The following MRPL35 variants were observed in gnomAD, a reference collection of about 807,000 sequenced individuals.
The protein encoded by MRPL35 is mitochondrial ribosomal protein L35, also known as large ribosomal subunit protein bL35m.
Under a neutral mutation model 21.6 loss-of-function variants are expected in MRPL35, and 18 were observed. The ratio of observed to expected loss-of-function variants is 0.83; its 90% confidence interval spans 0.58 to 1.24. The LOEUF is 1.24. Ranked by LOEUF, MRPL35 falls within the 50% of genes most tolerant of loss-of-function variation. The pLI is 0.00. For synonymous variants in MRPL35, 87 were observed against 86.9 expected, an observed-to-expected ratio of 1.00 and a Z score of -0.01; for missense variants, 223 against 223.2, an observed-to-expected ratio of 1.00 and a Z score of 0.01.
Position 86,213,510 on chromosome 2 carries a change from A to G in MRPL35, c.*2842A>G. The G allele has an allele frequency of 7.2e-7, 1 of 1,385,058 alleles. No homozygotes were observed. The highest frequency in any genetic ancestry group is 2.7e-5 in the East Asian group (1 of 36,554). 85.8% of individuals were successfully genotyped at this position (1,385,058 alleles called of 1,614,324 possible). ...TTTAATTTTGATGTTTCAAATTTTG[A>G]GCTTCCAAGTCTTTGTGGCCACCCA... On this transcript the variant is annotated 3_prime_UTR_variant, in exon 4 of 4. Coordinates refer to ENST00000337109, the MANE Select transcript of MRPL35 (RefSeq NM_016622.4).
intron 3 of MRPL35, among the ~76,000 whole-genome samples, chr2:86,208,713 C>T (rs1278581526): frequency 6.6e-6 from 1 of 152,046 alleles, no homozygotes; most frequent in Non-Finnish European, 1.5e-5. Flanking sequence ...TCTTACTGGG[C>T]TCTGGGGCCC....
chr2:86,210,359 A>T, intron 3 of MRPL35, 121 bp from the exon 4 acceptor site: 2 of 522,630 alleles, frequency 3.8e-6, no homozygotes, highest in Non-Finnish European at 5.8e-6. Context: ...TCCAAGAAAT[A>T]GTCCAGCCCC....
Position 86,210,728 on chromosome 2 carries a change from C to T in MRPL35, c.*60C>T. ...ATGTATCTTTGTGTACATATCTTTG[C>T]AAAAATGGATAAGTACAAAACTTGA... On this transcript the variant is annotated 3_prime_UTR_variant, in exon 4 of 4. Transcript: ENST00000337109. 10 of 1,497,498 alleles carry T rather than the reference C, an allele frequency of 6.7e-6. No individual in the cohort carries two copies. Among genetic ancestry groups the T allele is most frequent in the Non-Finnish European group, 8.0e-6 (9 of 1,119,250 alleles). 92.8% of individuals were successfully genotyped at this position (1,497,498 alleles called of 1,614,324 possible). A position where few individuals can be genotyped will look rare whatever the true frequency, so the allele number is the denominator to read the frequency against.
chr2:86,211,762 G>A lies in MRPL35; in HGVS notation c.*1094G>A. Reference sequence around the variant, plus strand: ...AGCTCATTGAAGCCTCGCACTCCTGGGCTCAAGTGGTCCTCCTGCCTCAGC... The same window carrying A: ...AGCTCATTGAAGCCTCGCACTCCTGAGCTCAAGTGGTCCTCCTGCCTCAGC... On this transcript the variant is annotated 3_prime_UTR_variant, in exon 4 of 4. Transcript: ENST00000337109. 1 of 983,718 alleles carries A rather than the reference G, an allele frequency of 1.0e-6. No homozygotes were observed. The allele number at this position is 983,718 out of a possible 1,614,324, so 60.9% of individuals were successfully genotyped here.
rs10901 is a variant in MRPL35, at chr2:86,206,117, C to T, written c.55C>T (p.Pro19Ser). Reference protein sequence around the residue: ...AVRAASGILRPLNILASSTYR... With the variant: ...AVRAASGILRSLNILASSTYR... Reference sequence around the variant, plus strand: ...TCCTATCTTTACAGGAATCCTACGGCCCCTGAATATTTTGGCATCTTCAAC... The same window carrying T: ...TCCTATCTTTACAGGAATCCTACGGTCCCTGAATATTTTGGCATCTTCAAC... Residue 19 changes from proline (P) to serine (S), a missense_variant, in exon 2 of 4, where the codon CCC becomes TCC. Pro to Ser is a moderately conservative substitution (Grantham distance 74, BLOSUM62 -1). Transcript: ENST00000337109. 731,621 of 1,606,222 alleles carry T rather than the reference C, an allele frequency of 0.46. 177,333 individuals are homozygous for T. The highest frequency in any genetic ancestry group is 0.5 in the Non-Finnish European group (590,181 of 1,173,242).
chr2:86,201,605 G>A (rs1673685997), intron 1 of MRPL35, among the ~76,000 whole-genome samples: 1 of 152,098 alleles, frequency 6.6e-6, no homozygotes, highest in Non-Finnish European at 1.5e-5. Context: ...AGATTCTACT[G>A]AAAACAATTT....
rs1474527035 is a variant in MRPL35, at chr2:86,206,151, A to C, written c.89A>C (p.Asn30Thr). Residue 30 changes from asparagine (N) to threonine (T), a missense_variant, in exon 2 of 4, where the codon AAC (asparagine) becomes ACC (threonine). Transcript: ENST00000337109. ...ATTTTGGCATCTTCAACCTACCGCA[A>C]CTGTGTCAAGAATGCCTCTCTTATT... The part of the protein sequence containing the change: ...LNILASSTYR[N>T]CVKNASLISA... The C allele has an allele frequency of 6.2e-7, 1 of 1,613,858 alleles. No homozygotes were observed. The highest frequency in any genetic ancestry group is 8.5e-7 in the Non-Finnish European group (1 of 1,179,904).
At position 86,212,537 on chromosome 2, in the gene MRPL35, GAGA is replaced by G; in HGVS notation, c.*1872_*1874del. The G allele has an allele frequency of 6.3e-7, 1 of 1,593,856 alleles. No individual in the cohort carries two copies. Among genetic ancestry groups the G allele is most frequent in the South Asian group, 1.1e-5 (1 of 88,118 alleles). On this transcript the variant is annotated 3_prime_UTR_variant, in exon 4 of 4. Transcript: ENST00000337109. ...GGAAATGGTGCCTGCAGAAGTTGGGGAGAAGGATACTTTTGCACAGCCTCCATG... is the reference window on the plus strand; with the variant it reads ...GGAAATGGTGCCTGCAGAAGTTGGGGAGGATACTTTTGCACAGCCTCCATG...
intron 1 of MRPL35, among the ~76,000 whole-genome samples, chr2:86,204,692 C>G (rs1015466715): frequency 6.6e-6 from 1 of 152,116 alleles, no homozygotes. Context: ...CTGACCTGTT[C>G]CACCCCACTG....
In MRPL35 at chr2:86,213,526, TG is replaced by T; in HGVS notation, c.*2860del. 1 of 1,426,072 alleles carries T rather than the reference TG, an allele frequency of 7.0e-7. No homozygotes were observed. The highest frequency in any genetic ancestry group is 9.3e-7 in the Non-Finnish European group (1 of 1,077,180). The allele number at this position is 1,426,072 out of a possible 1,614,324, so 88.3% of individuals were successfully genotyped here. ...CAAATTTTGAGCTTCCAAGTCTTTG[TG>T]GCCACCCAATGAAGTTTGAGTCTGC... is the stretch of plus-strand genomic sequence containing the variant. On this transcript the variant is annotated 3_prime_UTR_variant, in exon 4 of 4. Coordinates refer to ENST00000337109, the MANE Select transcript of MRPL35 (RefSeq NM_016622.4).
At position 86,211,310 on chromosome 2, in the gene MRPL35, C is replaced by A; in HGVS notation, c.*642C>A. The A allele has an allele frequency of 1.1e-6, 1 of 886,786 alleles. No individual in the cohort carries two copies. The highest frequency in any genetic ancestry group is 1.4e-6 in the Non-Finnish European group (1 of 740,262). 54.9% of individuals were successfully genotyped at this position (886,786 alleles called of 1,614,324 possible). ...ACATGATGACCTTCAGCTCCTGCTG[C>A]TAGTCTCCAATTGCCAAGGGAATTT... On this transcript the variant is annotated 3_prime_UTR_variant, in exon 4 of 4. Coordinates refer to ENST00000337109, the MANE Select transcript of MRPL35 (RefSeq NM_016622.4).
Position 86,213,054 on chromosome 2 carries a change from TGA to T in MRPL35, c.*2392_*2393del. The T allele has an allele frequency of 1.1e-6, 1 of 932,218 alleles. No individual in the cohort carries two copies. Among genetic ancestry groups the T allele is most frequent in the Non-Finnish European group, 1.3e-6 (1 of 781,526 alleles). 57.7% of individuals were successfully genotyped at this position (932,218 alleles called of 1,614,324 possible). On this transcript the variant is annotated 3_prime_UTR_variant, in exon 4 of 4. Transcript: ENST00000337109. ...AATTTAGATTTGAGGAAACTGAAGC[TGA>T]GAGAGGGTTAAGTAAATTACCCAAA...
In MRPL35 at chr2:86,206,320, TTTTTTTG is replaced by T. The variant is rs757954796; in HGVS notation, c.233+46_233+52del. ...GGTAGAGTATATTTCTTTGTGGGGT[TTTTTTTG>T]TTTTTTGTTTTTTGTTTTTTTTTGA... On this transcript the variant is annotated intron_variant, in intron 2 of 3. Coordinates refer to ENST00000337109, the MANE Select transcript of MRPL35 (RefSeq NM_016622.4). 3.9e-5 allele frequency: 62 copies of T among 1,570,400 alleles called. No individual in the cohort carries two copies. In the African/African-American group the frequency reaches 4.6e-4, roughly 12 times the overall value.
In MRPL35 at chr2:86,211,679, T is replaced by G. The variant is rs1021423688; in HGVS notation, c.*1011T>G. 3.0e-6 allele frequency: 3 copies of G among 985,320 alleles called. No homozygotes were observed. In the African/African-American group the frequency reaches 5.2e-5, roughly 17 times the overall value. 61.0% of individuals were successfully genotyped at this position (985,320 alleles called of 1,614,324 possible). A position where few individuals can be genotyped will look rare whatever the true frequency, so the allele number is the denominator to read the frequency against. On this transcript the variant is annotated 3_prime_UTR_variant, in exon 4 of 4. Coordinates refer to ENST00000337109, the MANE Select transcript of MRPL35 (RefSeq NM_016622.4). ...AGTTTTGAAAGATAGGTATTTATTT[T>G]TTCTAGAGACAGGAGTTTTGCTCTG...
At chr2:86,209,660 G>A (rs1673864475) in intron 3 of MRPL35, among the ~76,000 whole-genome samples, 1 of 152,120 alleles carries the variant, frequency 6.6e-6, no homozygotes, top group Admixed American at 6.5e-5. Flanking sequence ...TTGGTCCCTT[G>A]TGTGTGAAAA....
rs1241150215 is a variant in MRPL35 at position 86,206,088 on chromosome 2, A to T, written c.44-18A>T. On this transcript the variant is annotated intron_variant, in intron 1 of 3. Transcript: ENST00000337109. ...GCATATTTTGGAGTATTAAATATATATGCTCCTATCTTTACAGGAATCCTA... is the reference window on the plus strand; with the variant it reads ...GCATATTTTGGAGTATTAAATATATTTGCTCCTATCTTTACAGGAATCCTA... 1 of 1,575,864 alleles carries T rather than the reference A, an allele frequency of 6.3e-7. No homozygotes were observed. Among genetic ancestry groups the T allele is most frequent in the African/African-American group, 1.4e-5 (1 of 73,854 alleles).
At position 86,211,482 on chromosome 2, in the gene MRPL35, G is replaced by A. The variant is rs1673901553; in HGVS notation, c.*814G>A. On this transcript the variant is annotated 3_prime_UTR_variant, in exon 4 of 4. Transcript: ENST00000337109. ...GTTATGTGAGCAGTTTCACTTGGAG[G>A]TTCACATGGGGTGGCAGCACACTTA... The A allele has an allele frequency of 1.0e-6, 1 of 985,418 alleles. No homozygotes were observed. Among genetic ancestry groups the A allele is most frequent in the Non-Finnish European group, 1.2e-6 (1 of 829,926 alleles). 61.0% of individuals were successfully genotyped at this position (985,418 alleles called of 1,614,324 possible).
chr2:86,204,295 C>G (rs1341368310), intron 1 of MRPL35, among the ~76,000 whole-genome samples: 1 of 151,904 alleles, frequency 6.6e-6, no homozygotes, highest in Non-Finnish European at 1.5e-5. Context: ...GAGTATTTTT[C>G]TTAACCAACT....
chr2:86,211,977 C>A lies in MRPL35; in HGVS notation c.*1309C>A. ...TGTTTACTTGAAGTGGGCAGGGAAGCAGCACTGAGTAAAGTTCAATTGAGT... is the reference window on the plus strand; with the variant it reads ...TGTTTACTTGAAGTGGGCAGGGAAGAAGCACTGAGTAAAGTTCAATTGAGT... On this transcript the variant is annotated 3_prime_UTR_variant, in exon 4 of 4. Coordinates refer to ENST00000337109, the MANE Select transcript of MRPL35 (RefSeq NM_016622.4). 2.0e-6 allele frequency: 2 copies of A among 988,058 alleles called. No homozygotes were observed. The highest frequency in any genetic ancestry group is 2.4e-6 in the Non-Finnish European group (2 of 831,832). The allele number at this position is 988,058 out of a possible 1,614,324, so 61.2% of individuals were successfully genotyped here.
Sources: gnomAD v4.1 joint callset for allele counts (sites outside exome capture counted in the v4.1 genomes callset) on GRCh38, gnomAD v4.1.1 for gene constraint, MANE v1.5 for transcripts, NCBI Gene and HGNC (gene_info 2026-07-23, HGNC 2026-07-21) for gene names.